The following TSHZ1 variants were observed in gnomAD, a reference collection of about 807,000 sequenced individuals.
TSHZ1 encodes the protein teashirt zinc finger homeobox 1.
A neutral mutation model predicts 67.1 loss-of-function variants in TSHZ1; 12 were observed. The ratio of observed to expected loss-of-function variants is 0.18; its 90% CI spans 0.11 to 0.29. TSHZ1 has a LOEUF of 0.29. Ranked by LOEUF, TSHZ1 falls within the 10% of genes least tolerant of loss-of-function variation. The pLI is 1.00. For missense variants in TSHZ1, 1,305 were observed against 1,413.9 expected (o/e 0.92, Z 1.23); for synonymous variants, 632 against 622.4 (o/e 1.02, Z -0.23).
intron 1 of TSHZ1, among the ~76,000 whole-genome samples, chr18:75,218,636 A>G (rs2022803770): frequency 6.6e-6 from 1 of 152,186 alleles, no homozygotes; most frequent in African/African-American, 2.4e-5. Context: ...GCACCTGTAC[A>G]CTGTGGGGGC....
In TSHZ1 at chr18:75,286,914, G is replaced by A. The variant is rs776306765; in HGVS notation, c.1507G>A (p.Glu503Lys). The A allele has an allele frequency of 1.9e-6, 3 of 1,614,198 alleles. No homozygotes were observed. The highest frequency in any genetic ancestry group is 3.3e-5 in the Admixed American group (2 of 60,030). Reference protein sequence around the residue: ...STTSEEKKEPEKEKPPVAGDA... With the variant: ...STTSEEKKEPKKEKPPVAGDA... ...GACTTCTGAAGAAAAGAAAGAGCCA[G>A]AGAAGGAGAAGCCGCCTGTGGCTGG... Residue 503 changes from glutamate to lysine, a missense_variant, in exon 2 of 2, where the codon GAG (glutamate) becomes AAG (lysine). Around this residue, in one of 3 missense-constraint regions of TSHZ1, gnomAD observed 909 missense variants for 961.8 expected, o/e 0.95. Transcript: ENST00000580243. The surrounding 1 kb of genome is among the most constrained non-coding windows in gnomAD (Gnocchi z 5.1).
intron 1 of TSHZ1, among the ~76,000 whole-genome samples, chr18:75,229,455 G>T (rs1169277141): frequency 2.6e-5 from 4 of 152,240 alleles, no homozygotes; most frequent in Admixed American, 2.0e-4. Context: ...CTCTGTCTAT[G>T]TGATTGCTCA....
At chr18:75,223,048 T>TC in intron 1 of TSHZ1, among the ~76,000 whole-genome samples, 1 of 152,194 alleles carries the variant, frequency 6.6e-6, no homozygotes, top group Non-Finnish European at 1.5e-5. Context: ...CCTCCCTGCC[T>TC]CCCAGCACTG....
At chr18:75,218,658 G>A (rs927190016) in intron 1 of TSHZ1, among the ~76,000 whole-genome samples, 1 of 152,190 alleles carries the variant, frequency 6.6e-6, no homozygotes, top group Non-Finnish European at 1.5e-5. Context: ...GGGCTGGGGG[G>A]AGCCGTTCCA....
intron 1 of TSHZ1, among the ~76,000 whole-genome samples, chr18:75,251,175 G>A (rs893288989): frequency 6.6e-6 from 1 of 152,134 alleles, no homozygotes; most frequent in Non-Finnish European, 1.5e-5. Flanking sequence ...TATGTGCAAG[G>A]AGCTTCTAAA....
In TSHZ1 at chr18:75,286,997, C is replaced by A; in HGVS notation, c.1590C>A (p.Ser530Arg). Residue 530 changes from serine (S) to arginine (R), a missense_variant, in exon 2 of 2, where the codon AGC (serine) becomes AGA (arginine). Ser to Arg is a moderately radical substitution (Grantham distance 110). Around this residue, in one of 3 missense-constraint regions of TSHZ1, gnomAD observed 909 missense variants for 961.8 expected, o/e 0.95. Transcript: ENST00000580243. This position sits in a 1 kb window ranked among gnomAD's most constrained non-coding sequence, Gnocchi z 5.1. ...SEDSLEKFEPSTLYPYLREED... is the reference protein window; with the variant it reads ...SEDSLEKFEPRTLYPYLREED... Reference sequence around the variant, plus strand: ...ACAGCTTGGAGAAATTTGAGCCCAGCACCCTGTACCCGTACCTGCGTGAGG... The same window carrying A: ...ACAGCTTGGAGAAATTTGAGCCCAGAACCCTGTACCCGTACCTGCGTGAGG... The A allele has an allele frequency of 6.2e-7, 1 of 1,613,984 alleles. No individual in the cohort carries two copies. The highest frequency in any genetic ancestry group is 1.1e-5 in the South Asian group (1 of 91,090).
In TSHZ1 at chr18:75,234,682, A is replaced by G. The variant is rs537005086; in HGVS notation, c.40+22766A>G. On this transcript the variant is annotated intron_variant, in intron 1 of 1. Transcript: ENST00000580243. Reference sequence around the variant, plus strand: ...GGTATTTGGTTGGATACCAACTCAAATTAAAAAAAATGCTGTGAGGTTGTG... The same window carrying G: ...GGTATTTGGTTGGATACCAACTCAAGTTAAAAAAAATGCTGTGAGGTTGTG... Among the ~76,000 whole-genome samples, 278 of 152,316 alleles carry G rather than the reference A, an allele frequency of 1.8e-3. 1 individual carries two copies. Among genetic ancestry groups the G allele is most frequent in the Non-Finnish European group, 2.8e-3 (190 of 68,034 alleles).
intron 1 of TSHZ1, among the ~76,000 whole-genome samples, chr18:75,226,306 T>G (rs1373399477): frequency 6.6e-6 from 1 of 152,192 alleles, no homozygotes; most frequent in Non-Finnish European, 1.5e-5. Flanking sequence ...AACTCTGTGG[T>G]TCTAGAACCT....
At chr18:75,263,928 C>A (rs2023459553) in intron 1 of TSHZ1, among the ~76,000 whole-genome samples, 1 of 152,210 alleles carries the variant, frequency 6.6e-6, no homozygotes, top group Non-Finnish European at 1.5e-5. Context: ...TGCTTTTCAG[C>A]TATAATTGTG....
At position 75,285,638 on chromosome 18, in the gene TSHZ1, C is replaced by G; in HGVS notation, c.231C>G (p.Pro77=). The G allele has an allele frequency of 1.2e-6, 2 of 1,613,788 alleles. No homozygotes were observed. Among genetic ancestry groups the G allele is most frequent in the Non-Finnish European group, 1.7e-6 (2 of 1,179,888 alleles). Residue 77 remains proline (P), a synonymous_variant, in exon 2 of 2, where the codon CCC becomes CCG. Transcript: ENST00000580243. Reference sequence around the variant, plus strand: ...ACCAGGACGCCGGCTACGGGTCGCCCTTCAGTGAGAGCAGCGACCAGCTAG... The same window carrying G: ...ACCAGGACGCCGGCTACGGGTCGCCGTTCAGTGAGAGCAGCGACCAGCTAG... ...ATNQDAGYGS[P]FSESSDQLAH... is the part of the protein sequence containing the mutation.
chr18:75,268,722 C>A (rs1424138438), intron 1 of TSHZ1, among the ~76,000 whole-genome samples: 1 of 152,172 alleles, frequency 6.6e-6, no homozygotes, highest in African/African-American at 2.4e-5. Flanking sequence ...CTGCTCTGTG[C>A]CCATTCATTT....
intron 1 of TSHZ1, among the ~76,000 whole-genome samples, chr18:75,276,235 A>G (rs1331116553): frequency 6.6e-6 from 1 of 152,182 alleles, no homozygotes; most frequent in East Asian, 1.9e-4. Context: ...AGAATTGGGA[A>G]AAGCCATTAG....
At chr18:75,212,696 C>G (rs1196205000) in intron 1 of TSHZ1, among the ~76,000 whole-genome samples, 1 of 152,202 alleles carries the variant, frequency 6.6e-6, no homozygotes, top group Non-Finnish European at 1.5e-5. Context: ...ATCAGGGCAA[C>G]TTTTCTCTCT....
chr18:75,211,748 C>A lies in TSHZ1; in HGVS notation c.-129C>A. ...CCCGCGGTCCGCGGCGCGCCCGGAG[C>A]CCGGAGCCCGCGGGGACGAGGCCAA... On this transcript the variant is annotated 5_prime_UTR_variant, in exon 1 of 2. Coordinates refer to ENST00000580243, the MANE Select transcript of TSHZ1 (RefSeq NM_001308210.2). 2.2e-6 allele frequency: 1 copy of A among 455,702 alleles called. No homozygotes were observed. The highest frequency in any genetic ancestry group is 8.9e-5 in the South Asian group (1 of 11,200). 28.2% of individuals were successfully genotyped at this position (455,702 alleles called of 1,614,324 possible). A position where few individuals can be genotyped will look rare whatever the true frequency, so the allele number is the denominator to read the frequency against.
intron 1 of TSHZ1, among the ~76,000 whole-genome samples, chr18:75,261,935 T>C (rs1041905128): frequency 5.3e-5 from 8 of 152,070 alleles, no homozygotes; most frequent in Admixed American, 4.6e-4. Flanking sequence ...CCTTGAGGCT[T>C]TTGGTGTTGA....
chr18:75,263,608 A>T (rs1284310866), intron 1 of TSHZ1, among the ~76,000 whole-genome samples: 3 of 152,168 alleles, frequency 2.0e-5, no homozygotes, highest in Non-Finnish European at 4.4e-5. Context: ...TATGTTTCTT[A>T]TTTCATCTTG....
At chr18:75,279,752 A>C (rs2023662457) in intron 1 of TSHZ1, among the ~76,000 whole-genome samples, 1 of 152,148 alleles carries the variant, frequency 6.6e-6, no homozygotes, top group African/African-American at 2.4e-5. Flanking sequence ...CACAGTAACA[A>C]TTAATAAAGC....
At chr18:75,229,311 A>G (rs2022966009) in intron 1 of TSHZ1, among the ~76,000 whole-genome samples, 1 of 152,252 alleles carries the variant, frequency 6.6e-6, no homozygotes, top group Non-Finnish European at 1.5e-5. Context: ...ACAGTCTGTT[A>G]AACGAAAGTA....
intron 1 of TSHZ1, among the ~76,000 whole-genome samples, chr18:75,267,246 C>G (rs1468196765): frequency 6.6e-6 from 1 of 152,122 alleles, no homozygotes; most frequent in South Asian, 2.1e-4. Flanking sequence ...CGTCTTTTTC[C>G]GAGTTGAAGA....
Sources: gnomAD v4.1 joint callset for allele counts (sites outside exome capture counted in the v4.1 genomes callset) on GRCh38, gnomAD v4.1.1 for gene constraint, gnomAD v4.1.1 regional missense constraint, Gnocchi (gnomAD v3.1) non-coding constraint, MANE v1.5 for transcripts, NCBI Gene and HGNC (gene_info 2026-07-23, HGNC 2026-07-21) for gene names.